DLGAP1: variants seen among roughly 807,000 people sequenced by gnomAD.
DLGAP1 encodes DLG associated protein 1.
DLGAP1 carries 11 observed loss-of-function variants against 90.8 expected under a neutral mutation model. That is an observed-to-expected ratio of 0.12 (90% CI 0.08 to 0.20). The LOEUF is 0.20. Ranked by LOEUF, DLGAP1 falls within the 10% of genes least tolerant of loss-of-function variation. The probability of loss-of-function intolerance (pLI) is 1.00; values close to 1 mark genes in which losing one functional copy is unlikely to be tolerated. For synonymous variants in DLGAP1, 558 were observed against 540.7 expected (o/e 1.03, Z -0.44); for missense variants, 1,050 against 1,333.8 (o/e 0.79, Z 3.31).
chr18:4,283,639 A>G (rs1387871336), intron 1 of DLGAP1, among the ~76,000 whole-genome samples: 5 of 152,222 alleles, frequency 3.3e-5, no homozygotes, highest in African/African-American at 1.2e-4. Context: ...AATAGAGTTT[A>G]TAAAGAAAGT....
rs187680613 is a variant in DLGAP1 at position 3,584,731 on chromosome 18, T to C, written c.1592-2483A>G. ...AGCCCAGGAGAACTTCCCATCTATG[T>C]TGACTCATGAAACACACAACTTCAT... On this transcript the variant is annotated intron_variant, in intron 7 of 12. Coordinates refer to ENST00000315677, the MANE Select transcript of DLGAP1 (RefSeq NM_004746.4). 4.6e-5 allele frequency among the ~76,000 whole-genome samples: 7 copies of C among 152,282 alleles called. No homozygotes were observed. The East Asian group carries it at 1.2e-3, about 25-fold the overall frequency.
At chr18:4,024,887 A>T (rs1334808947) in intron 2 of DLGAP1, among the ~76,000 whole-genome samples, 2 of 152,166 alleles carry the variant, frequency 1.3e-5, no homozygotes, top group Non-Finnish European at 2.9e-5. Flanking sequence ...CTCATGAAAC[A>T]GTAATCCAGG....
intron 5 of DLGAP1, among the ~76,000 whole-genome samples, chr18:3,769,035 A>G (rs2064389382): frequency 6.6e-6 from 1 of 152,194 alleles, no homozygotes; most frequent in Admixed American, 6.5e-5. Flanking sequence ...AAGGATTAGT[A>G]CCTAATATAA....
chr18:3,657,603 C>CTTTT (rs1156440850), intron 7 of DLGAP1, among the ~76,000 whole-genome samples: 1 of 134,358 alleles, frequency 7.4e-6, no homozygotes, highest in Non-Finnish European at 1.6e-5. Flanking sequence ...CCATGGAATT[C>CTTTT]TTTTTTTTTT....
intron 3 of DLGAP1, among the ~76,000 whole-genome samples, chr18:3,909,449 T>A (rs1156536423): frequency 6.6e-6 from 1 of 152,248 alleles, no homozygotes; most frequent in Non-Finnish European, 1.5e-5. Context: ...TCTCAAGCTG[T>A]GTTCCAAAAG....
rs767760816 is a variant in DLGAP1 at position 3,977,434 on chromosome 18, G to GGTTTTTTT, written c.-73+27681_-73+27682insAAAAAAAC. On this transcript the variant is annotated intron_variant, in intron 3 of 12. Transcript: ENST00000315677. Reference sequence around the variant, plus strand: ...AGTTAATGAATTATGTTTATTCTGTGTTTTTTTTTTTTTTTTTTTTGCTGA... The same window carrying GGTTTTTTT: ...AGTTAATGAATTATGTTTATTCTGTGGTTTTTTTTTTTTTTTTTTTTTTTTTTTGCTGA... 3.6e-4 allele frequency among the ~76,000 whole-genome samples: 34 copies of GGTTTTTTT among 95,334 alleles called. 2 individuals carry two copies. The highest frequency in any genetic ancestry group is 9.2e-4 in the African/African-American group (22 of 23,944). 62.5% of individuals were successfully genotyped at this position (95,334 alleles called of 152,430 possible).
At chr18:3,543,166 ATTTTTT>A (rs76751283) in intron 9 of DLGAP1, among the ~76,000 whole-genome samples, 2 of 64,126 alleles carry the variant, frequency 3.1e-5, no homozygotes, top group African/African-American at 7.8e-5. Flanking sequence ...CATGACTCCA[ATTTTTT>A]TTTTTTTTTT....
chr18:3,634,485 T>C (rs1916448542), intron 7 of DLGAP1, among the ~76,000 whole-genome samples: 1 of 152,220 alleles, frequency 6.6e-6, no homozygotes, highest in African/African-American at 2.4e-5. Context: ...TTGATCATCT[T>C]GCTTTTGATT....
At chr18:4,419,301 G>A (rs986989479) in intron 1 of DLGAP1, among the ~76,000 whole-genome samples, 4 of 152,078 alleles carry the variant, frequency 2.6e-5, no homozygotes, top group South Asian at 2.1e-4. Flanking sequence ...CCCACAACAC[G>A]TGGGAATTAT....
intron 1 of DLGAP1, among the ~76,000 whole-genome samples, chr18:4,228,196 G>A (rs990506626): frequency 7.2e-5 from 11 of 151,982 alleles, no homozygotes; most frequent in Admixed American, 7.2e-4. Flanking sequence ...GAAGTAACCA[G>A]ATCAAAGCTA....
chr18:4,452,046 T>C (rs2083848751), intron 1 of DLGAP1, among the ~76,000 whole-genome samples: 1 of 152,164 alleles, frequency 6.6e-6, no homozygotes, highest in Admixed American at 6.5e-5. Flanking sequence ...TAAAATTGTA[T>C]CATTTTCTTA....
intron 7 of DLGAP1, among the ~76,000 whole-genome samples, chr18:3,707,607 GAAAA>G (rs1274258689): frequency 8.7e-6 from 1 of 114,532 alleles, no homozygotes; most frequent in Non-Finnish European, 1.9e-5. Context: ...CCATCTCAAA[GAAAA>G]AAAAAAAAAA....
At chr18:3,999,610 AC>A (rs33978618) in intron 3 of DLGAP1, among the ~76,000 whole-genome samples, 37,916 of 151,918 alleles carry the variant, frequency 0.25, 4,746 homozygotes, top group Middle Eastern at 0.34. Context: ...AGTAACAAAA[AC>A]AACAACAACA....
In DLGAP1 at chr18:3,557,208, C is replaced by A. The variant is rs79208243; in HGVS notation, c.2057+10282G>T. 7.6e-3 allele frequency among the ~76,000 whole-genome samples: 1,153 copies of A among 152,172 alleles called. 20 individuals are homozygous for A. Among genetic ancestry groups the A allele is most frequent in the African/African-American group, 0.026 (1,085 of 41,494 alleles). On this transcript the variant is annotated intron_variant, in intron 9 of 12. Coordinates refer to ENST00000315677, the MANE Select transcript of DLGAP1 (RefSeq NM_004746.4). ...CTGTCCCTCTAACCACTGCTTTTGC[C>A]TCATTCCATAAATTTTAATAAGTTG... is the stretch of plus-strand genomic sequence containing the variant.
At chr18:4,217,370 G>C (rs2077979785) in intron 1 of DLGAP1, among the ~76,000 whole-genome samples, 1 of 152,106 alleles carries the variant, frequency 6.6e-6, no homozygotes, top group Admixed American at 6.6e-5. Flanking sequence ...GTGGAAATTA[G>C]TTTTTAACTG....
At chr18:3,735,698 T>C (rs2062610770) in intron 6 of DLGAP1, among the ~76,000 whole-genome samples, 1 of 147,220 alleles carries the variant, frequency 6.8e-6, no homozygotes, top group African/African-American at 2.6e-5. Context: ...GATGTGAAAT[T>C]AATTAGATAA....
chr18:3,510,211 A>AC (rs2143848323), intron 10 of DLGAP1, among the ~76,000 whole-genome samples: 1 of 152,388 alleles, frequency 6.6e-6, no homozygotes, highest in East Asian at 1.9e-4. Context: ...TACTGCCTGG[A>AC]CAAGTCACTA....
intron 3 of DLGAP1, among the ~76,000 whole-genome samples, chr18:3,941,325 C>T (rs1302819421): frequency 6.6e-6 from 1 of 152,128 alleles, no homozygotes; most frequent in Non-Finnish European, 1.5e-5. Flanking sequence ...GAAACAGAAC[C>T]CACTGAGACA....
intron 4 of DLGAP1, among the ~76,000 whole-genome samples, chr18:3,860,869 A>G (rs574965210): frequency 3.3e-5 from 5 of 152,352 alleles, no homozygotes; most frequent in South Asian, 4.1e-4. Flanking sequence ...CTCCCATAGA[A>G]ATACTTTCAA....
Sources: allele counts gnomAD v4.1 joint callset (sites outside exome capture counted in the v4.1 genomes callset), GRCh38; gene constraint gnomAD v4.1.1; transcripts MANE v1.5; gene names NCBI Gene and HGNC (gene_info 2026-07-23, HGNC 2026-07-21).